IRX1: variants seen among roughly 807,000 people sequenced by gnomAD.
IRX1 encodes the protein iroquois homeobox 1, also known as iroquois-class homeodomain protein IRX-1.
Under a neutral mutation model 34.1 loss-of-function variants are expected in IRX1, and 22 were observed. The observed-to-expected ratio is 0.64, with a 90% CI of 0.46 to 0.92. The LOEUF is 0.92. IRX1 is among the 40% of genes least tolerant of loss of function. The pLI, the probability that IRX1 is intolerant of heterozygous loss-of-function variation, is 0.00. For synonymous variants in IRX1, 363 were observed against 319.0 expected, an observed-to-expected ratio of 1.14 and a Z score of -1.47; for missense variants, 758 against 680.0, an observed-to-expected ratio of 1.11 and a Z score of -1.28.
chr5:3,596,122 T>G lies in IRX1; in HGVS notation c.17T>G (p.Leu6Arg). 2 of 1,038,622 alleles carry G rather than the reference T, an allele frequency of 1.9e-6. No homozygotes were observed. The highest frequency in any genetic ancestry group is 1.2e-6 in the Non-Finnish European group (1 of 865,756). 64.3% of individuals were successfully genotyped at this position (1,038,622 alleles called of 1,614,324 possible). ...TCCGCGGACATGTCCTTCCCGCAGC[T>G]GGGCTACCCGCAGTACCTGAGCGCC... MSFPQ[L>R]GYPQYLSAAG... Residue 6 changes from leucine (L) to arginine (R), a missense_variant, in exon 1 of 4, where the codon CTG (leucine) becomes CGG (arginine). This residue lies in a region of IRX1 where 195 missense variants were observed against 195.0 expected (regional missense o/e 1.00). Transcript: ENST00000302006.
In IRX1 at chr5:3,599,496, G is replaced by A; in HGVS notation, c.548G>A (p.Arg183Gln). 6.2e-7 allele frequency: 1 copy of A among 1,614,148 alleles called. No individual in the cohort carries two copies. The highest frequency in any genetic ancestry group is 8.5e-7 in the Non-Finnish European group (1 of 1,180,028). ...QVSTWFANAR[R>Q]RLKKENKVTW... ...TCCACCTGGTTCGCCAACGCGCGCC[G>A]GCGCCTCAAGAAGGAGAACAAGGTG... is the stretch of plus-strand genomic sequence containing the variant. The change falls in exon 2 of 4, where the codon CGG becomes CAG. Residue 183 changes from arginine to glutamine, a missense_variant. Coordinates refer to ENST00000302006, the MANE Select transcript of IRX1 (RefSeq NM_024337.4). The surrounding 1 kb of genome is among the most constrained non-coding windows in gnomAD (Gnocchi z 6.6).
At position 3,601,227 on chromosome 5, in the gene IRX1, GC is replaced by G; in HGVS notation, c.*189del. ...TCGGTCCCGAGCTCGCGTCCAGGTG[GC>G]CAGGCCTCTGCCGGCGGCTCCAGTG... On this transcript the variant is annotated 3_prime_UTR_variant, in exon 4 of 4. Coordinates refer to ENST00000302006, the MANE Select transcript of IRX1 (RefSeq NM_024337.4). 1 of 626,074 alleles carries G rather than the reference GC, an allele frequency of 1.6e-6. No homozygotes were observed. Among genetic ancestry groups the G allele is most frequent in the Non-Finnish European group, 2.8e-6 (1 of 354,538 alleles). The allele number at this position is 626,074 out of a possible 1,614,324, so 38.8% of individuals were successfully genotyped here.
At chr5:3,596,904 T>C (rs1743710483) in intron 1 of IRX1, among the ~76,000 whole-genome samples, 1 of 152,080 alleles carries the variant, frequency 6.6e-6, no homozygotes, top group African/African-American at 2.4e-5. Flanking sequence ...ACAGACCCCT[T>C]CTAAGCCTGG....
In IRX1 at chr5:3,600,999, G is replaced by A. The variant is rs867642293; in HGVS notation, c.1402G>A (p.Glu468Lys). 3 of 1,610,094 alleles carry A rather than the reference G, an allele frequency of 1.9e-6. No homozygotes were observed. Among genetic ancestry groups the A allele is most frequent in the Non-Finnish European group, 2.5e-6 (3 of 1,177,830 alleles). Residue 468 changes from glutamate to lysine, a missense_variant, in exon 4 of 4, where the codon GAG becomes AAG. By Grantham distance (56) the Glu-to-Lys change is moderately conservative. This residue lies in a region of IRX1 where 529 missense variants were observed against 418.8 expected (regional missense o/e 1.26). Transcript: ENST00000302006. The part of the protein sequence containing the change: ...PVRDNSLAPQ[E>K]GTPRILAALP... ...CCCATGCAGCTCTCTGGCCCCGCAG[G>A]AGGGAACGCCGCGGATCCTAGCAGC...
chr5:3,596,391 C>T lies in IRX1; in HGVS notation c.276+10C>T. 1.3e-6 allele frequency: 2 copies of T among 1,500,198 alleles called. No homozygotes were observed. The highest frequency in any genetic ancestry group is 1.8e-6 in the Non-Finnish European group (2 of 1,125,488). The allele number at this position is 1,500,198 out of a possible 1,614,324, so 92.9% of individuals were successfully genotyped here. A position where few individuals can be genotyped will look rare whatever the true frequency, so the allele number is the denominator to read the frequency against. ...CCTCTTCTCGCAGATGGTGAGTGCG[C>T]CCGGCCTCCCCCGCTTCTCCTCTGT... On this transcript the variant is annotated intron_variant, in intron 1 of 3. Coordinates refer to ENST00000302006, the MANE Select transcript of IRX1 (RefSeq NM_024337.4).
At chr5:3,597,119 A>G (rs1743714512) in intron 1 of IRX1, among the ~76,000 whole-genome samples, 2 of 152,212 alleles carry the variant, frequency 1.3e-5, no homozygotes, top group African/African-American at 4.8e-5. Context: ...TTCCTGCGTT[A>G]CATAATGGAG....
chr5:3,600,369 C>G (rs914540381), intron 2 of IRX1, 109 bp downstream of exon 2: 1 of 1,130,188 alleles, frequency 8.8e-7, no homozygotes, highest in Non-Finnish European at 1.2e-6. Context: ...AGGCAGTGGC[C>G]GCTGAGCCCT....
In IRX1 at chr5:3,599,912, A is replaced by T; in HGVS notation, c.964A>T (p.Thr322Ser). ...GCCCAAGATCTGGTCGCTGGCGGAG[A>T]CAGCCACGAGCCCCGACGGTGCGCC... ...GKPKIWSLAE[T>S]ATSPDGAPKA... The change falls in exon 2 of 4, where the codon ACA (threonine) becomes TCA (serine). Residue 322 changes from threonine (T) to serine (S), a missense_variant. By Grantham distance (58) the Thr-to-Ser change is moderately conservative. Transcript: ENST00000302006. This position sits in a 1 kb window ranked among gnomAD's most constrained non-coding sequence, Gnocchi z 6.6. The T allele has an allele frequency of 6.8e-7, 1 of 1,473,882 alleles. No homozygotes were observed. The highest frequency in any genetic ancestry group is 9.0e-7 in the Non-Finnish European group (1 of 1,112,434). 91.3% of individuals were successfully genotyped at this position (1,473,882 alleles called of 1,614,324 possible). A position where few individuals can be genotyped will look rare whatever the true frequency, so the allele number is the denominator to read the frequency against.
Position 3,601,030 on chromosome 5 carries a change from C to G in IRX1, c.1433C>G (p.Pro478Arg), listed in dbSNP as rs763998758. 2.9e-5 allele frequency: 46 copies of G among 1,584,606 alleles called. No homozygotes were observed. Among genetic ancestry groups the G allele is most frequent in the East Asian group, 2.8e-4 (12 of 42,940 alleles). The part of the protein sequence containing the change: ...EGTPRILAAL[P>R]SA ...ACGCCGCGGATCCTAGCAGCCCTCC[C>G]GTCCGCCTGATTAAGGGTCTTCTTT... The change falls in exon 4 of 4, where the codon CCG becomes CGG. Residue 478 changes from proline to arginine, a missense_variant. Pro to Arg is a moderately radical substitution (Grantham distance 103). Transcript: ENST00000302006.
rs569290365 is a variant in IRX1, at chr5:3,600,677, G to T, written c.1381G>T (p.Asp461Tyr). The T allele has an allele frequency of 8.9e-5, 143 of 1,611,790 alleles. No individual in the cohort carries two copies. Among genetic ancestry groups the T allele is most frequent in the Non-Finnish European group, 1.1e-4 (132 of 1,179,010 alleles). Residue 461 changes from aspartate to tyrosine, a missense_variant, in exon 3 of 4, where the codon GAC (aspartate) becomes TAC (tyrosine). Around this residue, in one of 3 missense-constraint regions of IRX1, gnomAD observed 529 missense variants for 418.8 expected, o/e 1.26. Coordinates refer to ENST00000302006, the MANE Select transcript of IRX1 (RefSeq NM_024337.4). ...QLKSPFQPVR[D>Y]NSLAPQEGTP... ...AAAGTCGCCCTTCCAGCCGGTACGC[G>T]ACAAGTGAGTGCTGTTTGCTTTTGC... is the stretch of plus-strand genomic sequence containing the variant.
At chr5:3,598,982 A>G (rs1733868781) in intron 1 of IRX1, among the ~76,000 whole-genome samples, 1 of 152,118 alleles carries the variant, frequency 6.6e-6, no homozygotes, top group Admixed American at 6.5e-5. Context: ...CTGTCGGTGA[A>G]AGGGCAGTTC....
Position 3,600,640 on chromosome 5 carries a change from G to A in IRX1, c.1344G>A (p.Pro448=), listed in dbSNP as rs748227936. ...ACCTCGTCCCCAGGCCAGATTCGCC[G>A]GCACAGCAGTTAAAGTCGCCCTTCC... ...ERDLVPRPDS[P]AQQLKSPFQP... is the part of the protein sequence containing the mutation. The change falls in exon 3 of 4, where the codon CCG becomes CCA. Residue 448 remains proline (P), a synonymous_variant. Coordinates refer to ENST00000302006, the MANE Select transcript of IRX1 (RefSeq NM_024337.4). 3.7e-6 allele frequency: 6 copies of A among 1,613,730 alleles called. No individual in the cohort carries two copies. Among genetic ancestry groups the A allele is most frequent in the Non-Finnish European group, 5.1e-6 (6 of 1,180,006 alleles).
In IRX1 at chr5:3,599,875, G is replaced by A. The variant is rs1733911601; in HGVS notation, c.927G>A (p.Ala309=). The part of the protein sequence containing the change: ...PGAAAGGLQG[A]PHGKPKIWSL... ...CTGCAGCGGGCGGCCTGCAGGGTGC[G>A]CCGCACGGCAAGCCCAAGATCTGGT... Residue 309 remains alanine (A), a synonymous_variant, in exon 2 of 4, where the codon GCG becomes GCA. Transcript: ENST00000302006. The surrounding 1 kb of genome is among the most constrained non-coding windows in gnomAD (Gnocchi z 6.6). 1 of 1,501,718 alleles carries A rather than the reference G, an allele frequency of 6.7e-7. No individual in the cohort carries two copies. The highest frequency in any genetic ancestry group is 1.4e-5 in the African/African-American group (1 of 71,304). The allele number at this position is 1,501,718 out of a possible 1,614,324, so 93.0% of individuals were successfully genotyped here.
In IRX1 at chr5:3,599,298, A is replaced by G. The variant is rs1580011587; in HGVS notation, c.350A>G (p.Tyr117Cys). 3.7e-6 allele frequency: 6 copies of G among 1,613,974 alleles called. No homozygotes were observed. The Admixed American group carries it at 8.3e-5, about 22-fold the overall frequency. ...ATFAAHTAPA[Y>C]YPYGQFQYGD... ...TTCGCAGCCCACACGGCGCCGGCTT[A>G]TTACCCCTACGGCCAGTTCCAATAC... The change falls in exon 2 of 4, where the codon TAT becomes TGT. Residue 117 changes from tyrosine (Y) to cysteine (C), a missense_variant. Transcript: ENST00000302006. This position sits in a 1 kb window ranked among gnomAD's most constrained non-coding sequence, Gnocchi z 6.6.
Position 3,601,110 on chromosome 5 carries a change from A to G in IRX1, c.*70A>G. 7.5e-7 allele frequency: 1 copy of G among 1,324,820 alleles called. No homozygotes were observed. Among genetic ancestry groups the G allele is most frequent in the Non-Finnish European group, 1.1e-6 (1 of 923,928 alleles). 82.1% of individuals were successfully genotyped at this position (1,324,820 alleles called of 1,614,324 possible). A position where few individuals can be genotyped will look rare whatever the true frequency, so the allele number is the denominator to read the frequency against. On this transcript the variant is annotated 3_prime_UTR_variant, in exon 4 of 4. Coordinates refer to ENST00000302006, the MANE Select transcript of IRX1 (RefSeq NM_024337.4). Reference sequence around the variant, plus strand: ...TGGGGAGGGAGGGAATGTGGGAGGAATTAAGACAAATATTTCAGACTGGTG... The same window carrying G: ...TGGGGAGGGAGGGAATGTGGGAGGAGTTAAGACAAATATTTCAGACTGGTG...
In IRX1 at chr5:3,599,232, A is replaced by G. The variant is rs1173553587; in HGVS notation, c.284A>G (p.Gln95Arg). The change falls in exon 2 of 4, where the codon CAG (glutamine) becomes CGG (arginine). Residue 95 changes from glutamine (Q) to arginine (R), a missense_variant. Transcript: ENST00000302006. This position sits in a 1 kb window ranked among gnomAD's most constrained non-coding sequence, Gnocchi z 6.6. ...DLSLFSQMGS[Q>R]YELKDNPGVH... ...TCTGCCCTGTGGCTTCAGGGCTCGCAGTATGAACTGAAGGACAACCCTGGG... is the reference window on the plus strand; with the variant it reads ...TCTGCCCTGTGGCTTCAGGGCTCGCGGTATGAACTGAAGGACAACCCTGGG... The G allele has an allele frequency of 2.5e-6, 4 of 1,612,362 alleles. No individual in the cohort carries two copies. The East Asian group carries it at 6.7e-5, about 27-fold the overall frequency.
Position 3,601,176 on chromosome 5 carries a change from G to T in IRX1, c.*136G>T. ...ACAACGACGTCAAGGACTCGCATCC[G>T]TCGCTTTCTGCAGAAAGGGGCTTCT... On this transcript the variant is annotated 3_prime_UTR_variant, in exon 4 of 4. Transcript: ENST00000302006. The T allele has an allele frequency of 1.2e-6, 1 of 850,268 alleles. No individual in the cohort carries two copies. Among genetic ancestry groups the T allele is most frequent in the Non-Finnish European group, 1.9e-6 (1 of 529,086 alleles). The allele number at this position is 850,268 out of a possible 1,614,324, so 52.7% of individuals were successfully genotyped here.
intron 2 of IRX1, 41 bp from the exon 3 acceptor site, chr5:3,600,568 C>T (rs1172643647): frequency 2.6e-6 from 4 of 1,564,572 alleles, no homozygotes; most frequent in African/African-American, 2.7e-5. Flanking sequence ...CTCTCCCGCC[C>T]GTCTCTCCGT....
chr5:3,597,477 C>A (rs1286384149), intron 1 of IRX1, among the ~76,000 whole-genome samples: 1 of 152,150 alleles, frequency 6.6e-6, no homozygotes, highest in Middle Eastern at 3.2e-3. Context: ...AAGCAAAGAG[C>A]GGGTTTCCCT....
Sources: gnomAD v4.1 joint callset for allele counts (sites outside exome capture counted in the v4.1 genomes callset) on GRCh38, gnomAD v4.1.1 for gene constraint, gnomAD v4.1.1 regional missense constraint, Gnocchi (gnomAD v3.1) non-coding constraint, MANE v1.5 for transcripts, NCBI Gene and HGNC (gene_info 2026-07-23, HGNC 2026-07-21) for gene names.